The following METTL15 variants were observed in gnomAD, a reference collection of about 807,000 sequenced individuals.
The protein encoded by METTL15 is methyltransferase 15, mitochondrial 12S rRNA N4-cytidine.
In METTL15, 34 loss-of-function variants were observed where a neutral mutation model predicts 38.3. The observed-to-expected ratio is 0.89, with a 90% confidence interval of 0.68 to 1.18. METTL15 has a LOEUF of 1.18. METTL15 is among the 50% of genes most tolerant of loss of function. METTL15 has a pLI of 0.00. For synonymous variants in METTL15, 162 were observed against 170.9 expected, an observed-to-expected ratio of 0.95 and a Z score of 0.41; for missense variants, 438 against 498.4, an observed-to-expected ratio of 0.88 and a Z score of 1.15.
chr11:28,224,241 T>C (rs1853377866), intron 4 of METTL15, among the ~76,000 whole-genome samples: 1 of 151,966 alleles, frequency 6.6e-6, no homozygotes, highest in Non-Finnish European at 1.5e-5. Context: ...ACACTTTCAC[T>C]TTTTGTACTT....
intron 6 of METTL15, among the ~76,000 whole-genome samples, chr11:28,512,040 C>A (rs932246517): frequency 6.6e-5 from 10 of 151,980 alleles, no homozygotes; most frequent in Admixed American, 6.6e-4. Context: ...CATTCACAAA[C>A]CCTGAGCTAG....
intron 3 of METTL15, among the ~76,000 whole-genome samples, chr11:28,140,758 G>A (rs1849670210): frequency 1.3e-5 from 2 of 152,158 alleles, no homozygotes; most frequent in African/African-American, 4.8e-5. Flanking sequence ...GAATACAAGG[G>A]CATTTTACAT....
At chr11:28,324,881 G>C (rs1056499850) in intron 6 of METTL15, among the ~76,000 whole-genome samples, 2 of 152,176 alleles carry the variant, frequency 1.3e-5, no homozygotes, top group African/African-American at 4.8e-5. Context: ...TTATTTAGCA[G>C]CAGCTCTCAT....
At chr11:28,378,236 C>G (rs185759102) in intron 5 of METTL15, among the ~76,000 whole-genome samples, 142 of 152,318 alleles carry the variant, frequency 9.3e-4, no homozygotes, top group South Asian at 1.7e-3. Context: ...TGGGCAATGG[C>G]GGGCGCCCCT....
At chr11:28,257,905 G>A (rs1855037943) in intron 4 of METTL15, among the ~76,000 whole-genome samples, 1 of 152,044 alleles carries the variant, frequency 6.6e-6, no homozygotes, top group Non-Finnish European at 1.5e-5. Flanking sequence ...ACTTCATTTG[G>A]TGAGGTCATG....
At chr11:28,361,184 A>T (rs1396271528) in intron 4 of METTL15, among the ~76,000 whole-genome samples, 6 of 150,492 alleles carry the variant, frequency 4.0e-5, no homozygotes, top group African/African-American at 1.5e-4. Flanking sequence ...CAGTAATGGG[A>T]TGGCTGGGTC....
chr11:28,337,585 AGT>A, downstream of METTL15, among the ~76,000 whole-genome samples: 1 of 152,178 alleles, frequency 6.6e-6, no homozygotes, highest in African/African-American at 2.4e-5. Flanking sequence ...AGTAGTGTGT[AGT>A]AATGTCCTAG....
At chr11:28,357,388 C>T (rs925230178) in intron 4 of METTL15, among the ~76,000 whole-genome samples, 1 of 152,138 alleles carries the variant, frequency 6.6e-6, no homozygotes, top group African/African-American at 2.4e-5. Context: ...TCTTTTCCAC[C>T]TAGTTTTCAC....
intron 3 of METTL15, among the ~76,000 whole-genome samples, chr11:28,161,361 C>A (rs1006879076): frequency 6.6e-6 from 1 of 151,880 alleles, no homozygotes; most frequent in Non-Finnish European, 1.5e-5. Flanking sequence ...CTCAAGTGAT[C>A]CACCTGCCTT....
At position 28,217,659 on chromosome 11, in the gene METTL15, C is replaced by T. The variant is rs190481127; in HGVS notation, c.407+6461C>T. On this transcript the variant is annotated intron_variant, in intron 4 of 6. Transcript: ENST00000407364. ...ATGCCTATGTCCTGAATGGTATTGC[C>T]TAGGTTTTCTTCTAGGGTTTTTATG... Among the ~76,000 whole-genome samples the T allele has an allele frequency of 3.9e-5, 6 of 152,178 alleles. No individual in the cohort carries two copies. The East Asian group carries it at 1.2e-3, about 29-fold the overall frequency.
At chr11:28,372,477 C>T (rs7111968) in intron 5 of METTL15, among the ~76,000 whole-genome samples, 56,734 of 135,518 alleles carry the variant, frequency 0.42, 13,130 homozygotes, top group Admixed American at 0.54. Context: ...TTCTCCATGC[C>T]AATACATGTT....
intron 4 of METTL15, among the ~76,000 whole-genome samples, chr11:28,254,115 C>T (rs888174295): frequency 2.0e-5 from 3 of 152,122 alleles, no homozygotes; most frequent in African/African-American, 7.2e-5. Context: ...ATAAGAGTTC[C>T]CTTTTCTCTA....
At chr11:28,198,750 T>A (rs1851998168) in intron 3 of METTL15, among the ~76,000 whole-genome samples, 1 of 152,132 alleles carries the variant, frequency 6.6e-6, no homozygotes, top group South Asian at 2.1e-4. Context: ...AAATGTTAGC[T>A]AACTATAAGG....
Position 28,425,251 on chromosome 11 carries a change from C to T in METTL15, c.*424+887C>T, listed in dbSNP as rs571710472. On this transcript the variant is annotated intron_variant and NMD_transcript_variant, in intron 6 of 7. Coordinates refer to the METTL15 transcript ENST00000532947. ...CCCATCCATCTATTCATTCTTTCCA[C>T]ACAGAAGTCAAAGTAATGTTTCCAA... 1.2e-3 allele frequency among the ~76,000 whole-genome samples: 184 copies of T among 152,334 alleles called. 1 individual carries two copies. Among genetic ancestry groups the T allele is most frequent in the Non-Finnish European group, 1.5e-3 (104 of 68,018 alleles).
chr11:28,340,596 G>A (rs1176707309), intron 3 of METTL15, among the ~76,000 whole-genome samples: 1 of 152,160 alleles, frequency 6.6e-6, no homozygotes, highest in East Asian at 1.9e-4. Flanking sequence ...GGTCATTAGA[G>A]TGATGCAAAT....
chr11:28,226,879 A>G (rs1028664822), intron 4 of METTL15, among the ~76,000 whole-genome samples: 1 of 151,946 alleles, frequency 6.6e-6, no homozygotes, highest in Admixed American at 6.6e-5. Flanking sequence ...TCTGTCATAC[A>G]CTGTCAAAGT....
At chr11:28,291,930 A>G (rs1412177964) in intron 5 of METTL15, among the ~76,000 whole-genome samples, 1 of 152,170 alleles carries the variant, frequency 6.6e-6, no homozygotes, top group East Asian at 1.9e-4. Context: ...TTTAAAATTA[A>G]TACCTAATGG....
chr11:28,215,862 C>T (rs993421296), intron 4 of METTL15, among the ~76,000 whole-genome samples: 2 of 151,982 alleles, frequency 1.3e-5, no homozygotes, highest in Non-Finnish European at 1.5e-5. Flanking sequence ...AGTGAGACAC[C>T]GTTTCTTACA....
chr11:28,368,043 T>G (rs1419708753), intron 5 of METTL15, among the ~76,000 whole-genome samples: 1 of 147,434 alleles, frequency 6.8e-6, no homozygotes, highest in African/African-American at 2.5e-5. Context: ...GGCAAAGATT[T>G]CATGTCTAAA....
Sources: allele counts gnomAD v4.1 joint callset (sites outside exome capture counted in the v4.1 genomes callset), GRCh38; gene constraint gnomAD v4.1.1; transcripts MANE v1.5; gene names NCBI Gene and HGNC (gene_info 2026-07-23, HGNC 2026-07-21).